CDH20: variants seen among roughly 807,000 people sequenced by gnomAD.
CDH20 encodes the protein cadherin 20, also known as cadherin-20.
Under a neutral mutation model 74.2 loss-of-function variants are expected in CDH20, and 29 were observed. That is an observed-to-expected ratio of 0.39 (90% CI 0.29 to 0.53). The LOEUF (loss-of-function observed/expected upper bound fraction) is 0.53. Ranked by LOEUF, CDH20 falls within the 20% of genes least tolerant of loss-of-function variation. The pLI is 0.69. For missense variants in CDH20, 988 were observed against 1,048.3 expected, an observed-to-expected ratio of 0.94 and a Z score of 0.79; for synonymous variants, 469 against 405.4, an observed-to-expected ratio of 1.16 and a Z score of -1.88.
chr18:61,474,172 CAGG>C (rs778631040), intron 1 of CDH20, among the ~76,000 whole-genome samples: 2 of 152,152 alleles, frequency 1.3e-5, no homozygotes, highest in Non-Finnish European at 2.9e-5. Flanking sequence ...GAAAGAAGGG[CAGG>C]AGATTTCTAA....
intron 1 of CDH20, among the ~76,000 whole-genome samples, chr18:61,456,435 A>C (rs112069043): frequency 0.035 from 5,359 of 152,226 alleles, 316 homozygotes; most frequent in African/African-American, 0.12. Context: ...CTACAAACCA[A>C]ATCTCCCTCC....
rs920976479 is a variant in CDH20, at chr18:61,414,763, ATTT to A, written c.-152-75634_-152-75632del. Reference sequence around the variant, plus strand: ...CATGATTGTCAGAGAAGAGGCGAGAATTTTTTTATGTTTATTAAAATAATTATT... The same window carrying A: ...CATGATTGTCAGAGAAGAGGCGAGAATTTTATGTTTATTAAAATAATTATT... On this transcript the variant is annotated intron_variant, in intron 1 of 11. Transcript: ENST00000262717. Among the ~76,000 whole-genome samples the A allele has an allele frequency of 7.2e-4, 109 of 152,064 alleles. 1 individual carries two copies. The highest frequency in any genetic ancestry group is 2.0e-3 in the Admixed American group (31 of 15,270).
chr18:61,514,758 C>A (rs1423976581), intron 6 of CDH20, among the ~76,000 whole-genome samples: 6 of 151,696 alleles, frequency 4.0e-5, no homozygotes, highest in Non-Finnish European at 8.8e-5. Context: ...AATACCCTGC[C>A]GTGTGAGGTG....
At chr18:61,412,007 AAATTTTAAAAAT>A (rs1032823303) in intron 1 of CDH20, among the ~76,000 whole-genome samples, 1 of 152,106 alleles carries the variant, frequency 6.6e-6, no homozygotes, top group Non-Finnish European at 1.5e-5. Flanking sequence ...TGGAAATAAA[AAATTTTAAAAAT>A]AATTTTAAAA....
intron 1 of CDH20, among the ~76,000 whole-genome samples, chr18:61,358,948 T>C (rs1198417059): frequency 6.6e-6 from 1 of 152,130 alleles, no homozygotes; most frequent in Non-Finnish European, 1.5e-5. Flanking sequence ...TGAGTGACTA[T>C]ATTCTGGGGT....
At chr18:61,404,853 A>G (rs901098385) in intron 1 of CDH20, 35 of 388,284 alleles carry the variant, frequency 9.0e-5, no homozygotes, top group African/African-American at 6.5e-4. Flanking sequence ...GAAATTTTGC[A>G]TGGTTTATTT....
intron 1 of CDH20, among the ~76,000 whole-genome samples, chr18:61,393,087 G>A (rs1911847738): frequency 6.6e-6 from 1 of 152,084 alleles, no homozygotes; most frequent in Non-Finnish European, 1.5e-5. Flanking sequence ...TTTTCCATTT[G>A]TAAACTGTAA....
intron 1 of CDH20, among the ~76,000 whole-genome samples, chr18:61,337,385 T>C (rs1265410135): frequency 6.6e-6 from 1 of 152,240 alleles, no homozygotes; most frequent in Non-Finnish European, 1.5e-5. Flanking sequence ...TTTATTTATA[T>C]GTAAACTCCA....
At chr18:61,416,905 A>G (rs60096815) in intron 1 of CDH20, among the ~76,000 whole-genome samples, 1 of 152,370 alleles carries the variant, frequency 6.6e-6, no homozygotes, top group African/African-American at 2.4e-5. Flanking sequence ...AACTATGATT[A>G]AACTATAGAT....
At chr18:61,372,049 G>A (rs1599042173) in intron 1 of CDH20, among the ~76,000 whole-genome samples, 1 of 152,062 alleles carries the variant, frequency 6.6e-6, no homozygotes, top group African/African-American at 2.4e-5. Context: ...GGAGTTTATA[G>A]TCAGGAAAGA....
At chr18:61,512,811 T>C (rs1334210191) in intron 6 of CDH20, among the ~76,000 whole-genome samples, 6 of 152,166 alleles carry the variant, frequency 3.9e-5, no homozygotes, top group Non-Finnish European at 7.4e-5. Flanking sequence ...AGTTGAGCGG[T>C]TTTGAGTGAG....
At chr18:61,499,527 T>A in intron 3 of CDH20, 47 bp downstream of exon 3, 1 of 1,209,834 alleles carries the variant, frequency 8.3e-7, no homozygotes. Context: ...CTCCTATATA[T>A]ATACACACAC....
chr18:61,350,062 C>T (rs1256173679), intron 1 of CDH20, among the ~76,000 whole-genome samples: 2 of 152,100 alleles, frequency 1.3e-5, no homozygotes, highest in South Asian at 2.1e-4. Context: ...TAATCTGAAA[C>T]TAGATTCCAG....
At chr18:61,351,474 A>C (rs1004344263) in intron 1 of CDH20, among the ~76,000 whole-genome samples, 4 of 152,176 alleles carry the variant, frequency 2.6e-5, no homozygotes, top group Non-Finnish European at 5.9e-5. Context: ...AATAATGCTG[A>C]TCTCAAAAGA....
intron 6 of CDH20, among the ~76,000 whole-genome samples, chr18:61,508,137 A>G (rs923158386): frequency 6.6e-6 from 1 of 152,216 alleles, no homozygotes; most frequent in Admixed American, 6.5e-5. Context: ...TAAAGCACAT[A>G]TGGATATACT....
chr18:61,343,440 A>G (rs2144095985), intron 1 of CDH20, among the ~76,000 whole-genome samples: 1 of 152,246 alleles, frequency 6.6e-6, no homozygotes, highest in East Asian at 1.9e-4. Context: ...CAAACAATGT[A>G]GAGGTTGAGT....
intron 1 of CDH20, among the ~76,000 whole-genome samples, chr18:61,395,169 T>C (rs1442893239): frequency 6.6e-6 from 1 of 152,084 alleles, no homozygotes; most frequent in Non-Finnish European, 1.5e-5. Flanking sequence ...CATTCACAGA[T>C]ACTGAGAGAA....
chr18:61,529,139 C>T (rs1912554110), intron 7 of CDH20, among the ~76,000 whole-genome samples: 1 of 152,164 alleles, frequency 6.6e-6, no homozygotes, highest in South Asian at 2.1e-4. Flanking sequence ...GAGCAGCTGC[C>T]AAACCTATGA....
At chr18:61,405,216 T>C in intron 1 of CDH20, 1 of 417,958 alleles carries the variant, frequency 2.4e-6, no homozygotes, top group Non-Finnish European at 4.5e-6. Context: ...CTTTCTGCCT[T>C]AGGTGTGGGA....
Sources: allele counts gnomAD v4.1 joint callset (sites outside exome capture counted in the v4.1 genomes callset), GRCh38; gene constraint gnomAD v4.1.1; transcripts MANE v1.5; gene names NCBI Gene and HGNC (gene_info 2026-07-23, HGNC 2026-07-21).